The following OR4C46 variants were observed in gnomAD, a reference collection of about 807,000 sequenced individuals.
The protein encoded by OR4C46 is olfactory receptor 4C46.
OR4C46 carries 17 observed loss-of-function variants against 11.8 expected under a neutral mutation model. The ratio of observed to expected loss-of-function variants is 1.44; its 90% CI spans 0.98 to 2.16. The LOEUF (loss-of-function observed/expected upper bound fraction) is 2.16, where lower values mean the gene tolerates loss of function less well. Among genes scored for constraint, OR4C46 ranks in the 30% most tolerant of loss-of-function variants. The probability of loss-of-function intolerance (pLI) is 0.00; values close to 1 mark genes in which losing one functional copy is unlikely to be tolerated. For missense variants in OR4C46, 606 were observed against 372.1 expected, an observed-to-expected ratio of 1.63 and a Z score of -5.17; for synonymous variants, 224 against 137.6, an observed-to-expected ratio of 1.63 and a Z score of -4.39.
At position 54,603,255 on chromosome 11, in the gene OR4C46, G is replaced by A. The variant is rs140563000; in HGVS notation, c.744C>T (p.Phe248=). Residue 248 remains phenylalanine (F), a synonymous_variant, in exon 1 of 1, where the codon TTC becomes TTT. Transcript: ENST00000328188. ...CVSHITVVIL[F]FVPCIFVYMR... is the part of the protein sequence containing the mutation. ...TGTACACAAATATGCAGGGCACAAA[G>A]AATAAGATGACAACCGTGATGTGGG... The A allele has an allele frequency of 2.5e-6, 4 of 1,613,008 alleles. No individual in the cohort carries two copies. In the South Asian group the frequency reaches 3.3e-5, roughly 13 times the overall value.
chr11:54,603,834 G>A lies in OR4C46; in HGVS notation c.165C>T (p.Ser55=), dbSNP rs376767027. ...VTITASPSLG[S]PMYLSLAYLS... ...GATAGGCCAGGGAAAGGTACATGGG[G>A]GACCCCAGTGATGGGCTGGCAGTGA... The change falls in exon 1 of 1, where the codon TCC becomes TCT. Residue 55 remains serine (S), a synonymous_variant. Coordinates refer to ENST00000328188, the MANE Select transcript of OR4C46 (RefSeq NM_001004703.1). The A allele has an allele frequency of 5.0e-6, 8 of 1,613,766 alleles. No individual in the cohort carries two copies. The highest frequency in any genetic ancestry group is 2.2e-5 in the South Asian group (2 of 91,074).
At position 54,603,380 on chromosome 11, in the gene OR4C46, A is replaced by G; in HGVS notation, c.619T>C (p.Leu207=). Residue 207 remains leucine, a synonymous_variant, in exon 1 of 1, where the codon TTA becomes CTA. Coordinates refer to ENST00000328188, the MANE Select transcript of OR4C46 (RefSeq NM_001004703.1). ...IAANSGFICL[L]NFALLLVSYV... ...GAGACCAGCAGGAGGGCAAAGTTTA[A>G]CAAGCAGATGAATCCACTGTTGGCA... 1 of 1,613,818 alleles carries G rather than the reference A, an allele frequency of 6.2e-7. No homozygotes were observed. The highest frequency in any genetic ancestry group is 8.5e-7 in the Non-Finnish European group (1 of 1,179,838).
In OR4C46 at chr11:54,603,343, A is replaced by G; in HGVS notation, c.656T>C (p.Ile219Thr). The G allele has an allele frequency of 2.5e-6, 4 of 1,613,802 alleles. No homozygotes were observed. Among genetic ancestry groups the G allele is most frequent in the Non-Finnish European group, 3.4e-6 (4 of 1,179,832 alleles). Residue 219 changes from isoleucine to threonine, a missense_variant, in exon 1 of 1, where the codon ATC becomes ACC. Ile to Thr is a moderately conservative substitution (Grantham distance 89, BLOSUM62 -1). Coordinates refer to ENST00000328188, the MANE Select transcript of OR4C46 (RefSeq NM_001004703.1). ...GCTATGAGTCCTTAGGGAGCACAAG[A>G]TGACCACATAGGAGACCAGCAGGAG... ...FALLLVSYVV[I>T]LCSLRTHSLE... is the part of the protein sequence containing the mutation.
In OR4C46 at chr11:54,603,080, C is replaced by T. The variant is rs1464584151; in HGVS notation, c.919G>A (p.Gly307Ser). 4 of 1,530,036 alleles carry T rather than the reference C, an allele frequency of 2.6e-6. No individual in the cohort carries two copies. The highest frequency in any genetic ancestry group is 3.6e-6 in the Non-Finnish European group (4 of 1,112,848). 94.8% of individuals were successfully genotyped at this position (1,530,036 alleles called of 1,614,324 possible). ...RKLCSRKDIS[G>S]DK ...AGCTCTAGTTACATTTATTTGTCAC[C>T]TGAAATGTCCTTTCTACTACACAAT... is the stretch of plus-strand genomic sequence containing the variant. Residue 307 changes from glycine (G) to serine (S), a missense_variant, in exon 1 of 1, where the codon GGT becomes AGT. Gly to Ser is a moderately conservative substitution (Grantham distance 56). Coordinates refer to ENST00000328188, the MANE Select transcript of OR4C46 (RefSeq NM_001004703.1).
chr11:54,603,312 C>T lies in OR4C46; in HGVS notation c.687G>A (p.Glu229=), dbSNP rs1455380291. The change falls in exon 1 of 1, where the codon GAG becomes GAA. Residue 229 remains glutamate, a synonymous_variant. Coordinates refer to ENST00000328188, the MANE Select transcript of OR4C46 (RefSeq NM_001004703.1). The stretch of plus-strand genomic sequence containing the variant: ...AGGTGGAGAGGGCTTTGTGCCTTGC[C>T]TCCAAGCTATGAGTCCTTAGGGAGC... ...ILCSLRTHSL[E]ARHKALSTCV... 3 of 1,613,690 alleles carry T rather than the reference C, an allele frequency of 1.9e-6. No homozygotes were observed. The highest frequency in any genetic ancestry group is 2.2e-5 in the East Asian group (1 of 44,806).
In OR4C46 at chr11:54,603,575, G is replaced by A. The variant is rs1021762885; in HGVS notation, c.424C>T (p.Leu142=). 10 of 1,613,952 alleles carry A rather than the reference G, an allele frequency of 6.2e-6. No homozygotes were observed. In the African/African-American group the frequency reaches 8.0e-5, roughly 13 times the overall value. ...TIMNQCVCAL[L]MGVVWMGGFL... ...CCTCCCATCCACACCACTCCCATTA[G>A]CAGGGCACACACACACTGGTTCATG... The change falls in exon 1 of 1, where the codon CTA becomes TTA. Residue 142 remains leucine, a synonymous_variant. Transcript: ENST00000328188.
rs1862990855 is a variant in OR4C46 at position 54,603,427 on chromosome 11, T to C, written c.572A>G (p.His191Arg). 1 of 1,613,688 alleles carries C rather than the reference T, an allele frequency of 6.2e-7. No individual in the cohort carries two copies. Among genetic ancestry groups the C allele is most frequent in the Non-Finnish European group, 8.5e-7 (1 of 1,179,758 alleles). ...PLLNLACTDT[H>R]MLELFIAANS... ...GGCAGCAATGAAGAGTTCCAGCATA[T>C]GGGTGTCAGTGCAGGCGAGGTTGAG... The change falls in exon 1 of 1, where the codon CAT becomes CGT. Residue 191 changes from histidine (H) to arginine (R), a missense_variant. Physicochemically the swap from His to Arg is conservative, Grantham distance 29. Transcript: ENST00000328188.
chr11:54,603,956 G>A lies in OR4C46; in HGVS notation c.43C>T (p.Leu15Phe), dbSNP rs1214362129. 4 of 1,613,700 alleles carry A rather than the reference G, an allele frequency of 2.5e-6. No individual in the cohort carries two copies. Among genetic ancestry groups the A allele is most frequent in the Middle Eastern group, 1.7e-4 (1 of 6,052 alleles). The change falls in exon 1 of 1, where the codon CTT (leucine) becomes TTT (phenylalanine). Residue 15 changes from leucine to phenylalanine, a missense_variant. Physicochemically the swap from Leu to Phe is conservative, Grantham distance 22. Coordinates refer to ENST00000328188, the MANE Select transcript of OR4C46 (RefSeq NM_001004703.1). ...NNMTEFVLLGLTENPKMQKII... is the reference protein window; with the variant it reads ...NNMTEFVLLGFTENPKMQKII... ...TTCTGCATCTTTGGATTCTCTGTAA[G>A]CCCCAGCAAAACAAACTCTGTCATG...
rs769241919 is a variant in OR4C46, at chr11:54,603,409, A to G, written c.590T>C (p.Ile197Thr). 3 of 1,613,744 alleles carry G rather than the reference A, an allele frequency of 1.9e-6. No individual in the cohort carries two copies. Among genetic ancestry groups the G allele is most frequent in the Admixed American group, 3.3e-5 (2 of 59,974 alleles). The change falls in exon 1 of 1, where the codon ATT becomes ACT. Residue 197 changes from isoleucine (I) to threonine (T), a missense_variant. Transcript: ENST00000328188. ...GCAGATGAATCCACTGTTGGCAGCA[A>G]TGAAGAGTTCCAGCATATGGGTGTC... ...CTDTHMLELFIAANSGFICLL... is the reference protein window; with the variant it reads ...CTDTHMLELFTAANSGFICLL...
rs750352546 is a variant in OR4C46, at chr11:54,603,637, T to A, written c.362A>T (p.Tyr121Phe). 7 of 1,613,898 alleles carry A rather than the reference T, an allele frequency of 4.3e-6. No homozygotes were observed. The highest frequency in any genetic ancestry group is 5.9e-6 in the Non-Finnish European group (7 of 1,179,814). The change falls in exon 1 of 1, where the codon TAT becomes TTT. Residue 121 changes from tyrosine to phenylalanine, a missense_variant. By Grantham distance (22) the Tyr-to-Phe change is conservative. Transcript: ENST00000328188. ...ILLTVMAYDH[Y>F]VAICKPLHYM... ...GTGCAAGGGCTTGCAGATGGCCACA[T>A]AGTGGTCATAGGCCATCACAGTAAG...
In OR4C46 at chr11:54,603,459, G is replaced by T; in HGVS notation, c.540C>A (p.Asn180Lys). Residue 180 changes from asparagine to lysine, a missense_variant, in exon 1 of 1, where the codon AAC (asparagine) becomes AAA (lysine). Coordinates refer to ENST00000328188, the MANE Select transcript of OR4C46 (RefSeq NM_001004703.1). ...NVIDHFMCDL[N>K]PLLNLACTDT... ...CAGTGCAGGCGAGGTTGAGCAAAGG[G>T]TTCAGATCACACATAAAGTGATCTA... 1 of 1,613,612 alleles carries T rather than the reference G, an allele frequency of 6.2e-7. No individual in the cohort carries two copies. The highest frequency in any genetic ancestry group is 8.5e-7 in the Non-Finnish European group (1 of 1,179,680).
In OR4C46 at chr11:54,603,141, G is replaced by C. The variant is rs1290535674; in HGVS notation, c.858C>G (p.Thr286=). 1 of 1,463,370 alleles carries C rather than the reference G, an allele frequency of 6.8e-7. No individual in the cohort carries two copies. The highest frequency in any genetic ancestry group is 9.5e-7 in the Non-Finnish European group (1 of 1,048,206). The allele number at this position is 1,463,370 out of a possible 1,614,324, so 90.6% of individuals were successfully genotyped here. Residue 286 remains threonine (T), a synonymous_variant, in exon 1 of 1, where the codon ACC becomes ACG. Coordinates refer to ENST00000328188, the MANE Select transcript of OR4C46 (RefSeq NM_001004703.1). ...CATTTTTCATCTGGGCATTCTTCAA[G>C]GTATAGATTAAGGGGTTTAACATAG... ...ITPMLNPLIY[T]LKNAQMKNAI...
At position 54,603,971 on chromosome 11, in the gene OR4C46, ACT is replaced by A; in HGVS notation, c.26_27del (p.Glu9ValfsTer59). On this transcript the variant is annotated frameshift_variant, in exon 1 of 1. Transcript: ENST00000328188. LOFTEE classifies it low-confidence loss of function (END_TRUNC). The stretch of plus-strand genomic sequence containing the variant: ...TTCTCTGTAAGCCCCAGCAAAACAA[ACT>A]CTGTCATGTTATTCCTATTCTCCAT... MENRNNMT[E>X]FVLLGLTENP... The A allele has an allele frequency of 6.2e-7, 1 of 1,613,300 alleles. No individual in the cohort carries two copies. The highest frequency in any genetic ancestry group is 8.5e-7 in the Non-Finnish European group (1 of 1,179,430).
In OR4C46 at chr11:54,603,251, C is replaced by T; in HGVS notation, c.748G>A (p.Val250Met). The change falls in exon 1 of 1, where the codon GTG becomes ATG. Residue 250 changes from valine to methionine, a missense_variant. Transcript: ENST00000328188. ...SHITVVILFFVPCIFVYMRPA... is the reference protein window; with the variant it reads ...SHITVVILFFMPCIFVYMRPA... ...CTCATGTACACAAATATGCAGGGCA[C>T]AAAGAATAAGATGACAACCGTGATG... is the stretch of plus-strand genomic sequence containing the variant. 1 of 1,612,996 alleles carries T rather than the reference C, an allele frequency of 6.2e-7. No homozygotes were observed. The highest frequency in any genetic ancestry group is 8.5e-7 in the Non-Finnish European group (1 of 1,179,196).
At position 54,603,403 on chromosome 11, in the gene OR4C46, G is replaced by A. The variant is rs776022861; in HGVS notation, c.596C>T (p.Ala199Val). 11 of 1,613,816 alleles carry A rather than the reference G, an allele frequency of 6.8e-6. No homozygotes were observed. Among genetic ancestry groups the A allele is most frequent in the Middle Eastern group, 1.7e-4 (1 of 6,056 alleles). Residue 199 changes from alanine (A) to valine (V), a missense_variant, in exon 1 of 1, where the codon GCC (alanine) becomes GTC (valine). By Grantham distance (64) the Ala-to-Val change is moderately conservative. Coordinates refer to ENST00000328188, the MANE Select transcript of OR4C46 (RefSeq NM_001004703.1). Reference sequence around the variant, plus strand: ...TAACAAGCAGATGAATCCACTGTTGGCAGCAATGAAGAGTTCCAGCATATG... The same window carrying A: ...TAACAAGCAGATGAATCCACTGTTGACAGCAATGAAGAGTTCCAGCATATG... ...DTHMLELFIA[A>V]NSGFICLLNF...
In OR4C46 at chr11:54,603,641, G is replaced by T. The variant is rs149978136; in HGVS notation, c.358C>A (p.His120Asn). Residue 120 changes from histidine (H) to asparagine (N), a missense_variant, in exon 1 of 1, where the codon CAC (histidine) becomes AAC (asparagine). Physicochemically the swap from His to Asn is moderately conservative, Grantham distance 68. Transcript: ENST00000328188. ...AAGGGCTTGCAGATGGCCACATAGT[G>T]GTCATAGGCCATCACAGTAAGTAGG... ...GILLTVMAYD[H>N]YVAICKPLHY... 290 of 1,614,024 alleles carry T rather than the reference G, an allele frequency of 1.8e-4. 1 individual carries two copies. The African/African-American group carries it at 3.5e-3, about 19-fold the overall frequency.
chr11:54,603,776 T>G lies in OR4C46; in HGVS notation c.223A>C (p.Asn75His). ...GAATGTGTGATCAGGTTAGGGGTAT[T>G]GACAGAGGAATAGCAGGCATCAATA... ...SFIDACYSSVNTPNLITHSLY... is the reference protein window; with the variant it reads ...SFIDACYSSVHTPNLITHSLY... The change falls in exon 1 of 1, where the codon AAT becomes CAT. Residue 75 changes from asparagine (N) to histidine (H), a missense_variant. Asn to His is a moderately conservative substitution (Grantham distance 68). Coordinates refer to ENST00000328188, the MANE Select transcript of OR4C46 (RefSeq NM_001004703.1). The G allele has an allele frequency of 6.2e-7, 1 of 1,613,654 alleles. No homozygotes were observed. The highest frequency in any genetic ancestry group is 1.1e-5 in the South Asian group (1 of 91,068).
Position 54,603,124 on chromosome 11 carries a change from A to C in OR4C46, c.875T>G (p.Met292Arg), listed in dbSNP as rs747940376. The change falls in exon 1 of 1, where the codon ATG becomes AGG. Residue 292 changes from methionine to arginine, a missense_variant. Coordinates refer to ENST00000328188, the MANE Select transcript of OR4C46 (RefSeq NM_001004703.1). ...PLIYTLKNAQMKNAIRKLCSR... is the reference protein window; with the variant it reads ...PLIYTLKNAQRKNAIRKLCSR... ...ACACAATTTCCTGATGGCATTTTTC[A>C]TCTGGGCATTCTTCAAGGTATAGAT... 2.0e-6 allele frequency: 3 copies of C among 1,509,372 alleles called. No individual in the cohort carries two copies. Among genetic ancestry groups the C allele is most frequent in the Admixed American group, 3.6e-5 (2 of 55,274 alleles). The allele number at this position is 1,509,372 out of a possible 1,614,324, so 93.5% of individuals were successfully genotyped here. A position where few individuals can be genotyped will look rare whatever the true frequency, so the allele number is the denominator to read the frequency against.
rs1590621992 is a variant in OR4C46, at chr11:54,603,375, G to A, written c.624C>T (p.Asn208=). The A allele has an allele frequency of 6.2e-6, 10 of 1,613,732 alleles. No homozygotes were observed. The highest frequency in any genetic ancestry group is 2.2e-5 in the South Asian group (2 of 91,070). The change falls in exon 1 of 1, where the codon AAC becomes AAT. Residue 208 remains asparagine (N), a synonymous_variant. Coordinates refer to ENST00000328188, the MANE Select transcript of OR4C46 (RefSeq NM_001004703.1). ...CATAGGAGACCAGCAGGAGGGCAAA[G>A]TTTAACAAGCAGATGAATCCACTGT... ...AANSGFICLL[N]FALLLVSYVV... is the part of the protein sequence containing the mutation.
Sources: gnomAD v4.1 joint callset for allele counts on GRCh38, gnomAD v4.1.1 for gene constraint, MANE v1.5 for transcripts, NCBI Gene and HGNC (gene_info 2026-07-23, HGNC 2026-07-21) for gene names.